The following PPP6R3 variants were observed in gnomAD, a reference collection of about 807,000 sequenced individuals.
The protein encoded by PPP6R3 is serine/threonine-protein phosphatase 6 regulatory subunit 3.
PPP6R3 carries 38 observed loss-of-function variants against 110.7 expected under a neutral mutation model. That is an observed-to-expected ratio of 0.34 (90% CI 0.26 to 0.45). The LOEUF is 0.45. Ranked by LOEUF, PPP6R3 falls within the 20% of genes least tolerant of loss-of-function variation. PPP6R3 has a pLI of 1.00. For synonymous variants in PPP6R3, 369 were observed against 373.5 expected (o/e 0.99, Z 0.14); for missense variants, 870 against 1,062.4 (o/e 0.82, Z 2.52).
intron 15 of PPP6R3, chr11:68,587,679 C>CA (rs1350916991): frequency 9.0e-6 from 5 of 555,064 alleles, no homozygotes; most frequent in Non-Finnish European, 1.6e-5. Context: ...CAATAGAGGA[C>CA]AGAGTGGTCA....
chr11:68,599,906 G>A (rs1001096423), intron 19 of PPP6R3, among the ~76,000 whole-genome samples: 23 of 152,182 alleles, frequency 1.5e-4, no homozygotes, highest in African/African-American at 4.1e-4. Flanking sequence ...GGCGGTTCAC[G>A]AGGTCGGGAT....
chr11:68,505,408 A>G (rs1482492596), intron 1 of PPP6R3: 1 of 152,478 alleles, frequency 6.6e-6, no homozygotes, highest in Non-Finnish European at 1.5e-5. Flanking sequence ...GACCTAGAAG[A>G]TGAGAATTTA....
intron 1 of PPP6R3, among the ~76,000 whole-genome samples, chr11:68,499,974 T>A (rs1020029782): frequency 1.3e-5 from 2 of 152,338 alleles, no homozygotes; most frequent in Middle Eastern, 6.8e-3. Context: ...ATTCTGTGGG[T>A]CCTCATTCTG....
intron 16 of PPP6R3, among the ~76,000 whole-genome samples, chr11:68,590,231 G>T (rs532597708): frequency 1.3e-5 from 2 of 152,312 alleles, no homozygotes; most frequent in Admixed American, 1.3e-4. Flanking sequence ...GATTTCATGG[G>T]TGTCTATGTA....
In PPP6R3 at chr11:68,519,670, G is replaced by T. The variant is rs1477229796; in HGVS notation, c.-7+19G>T. 2.5e-6 allele frequency: 1 copy of T among 398,346 alleles called. No homozygotes were observed. The highest frequency in any genetic ancestry group is 3.6e-5 in the East Asian group (1 of 28,078). The allele number at this position is 398,346 out of a possible 1,614,324, so 24.7% of individuals were successfully genotyped here. A position where few individuals can be genotyped will look rare whatever the true frequency, so the allele number is the denominator to read the frequency against. ...TTGAAAGGTAAGACCATTACGATTA[G>T]CAGGAGTTTCCTTCCATTAATGACA... is the stretch of plus-strand genomic sequence containing the variant. On this transcript the variant is annotated intron_variant, in intron 2 of 23. Coordinates refer to ENST00000393800, the MANE Select transcript of PPP6R3 (RefSeq NM_001164161.2).
At chr11:68,584,675 A>G (rs2099572619) in intron 15 of PPP6R3, among the ~76,000 whole-genome samples, 1 of 152,194 alleles carries the variant, frequency 6.6e-6, no homozygotes, top group Non-Finnish European at 1.5e-5. Context: ...GAGTTTTCTT[A>G]CATTATTTTG....
chr11:68,483,858 C>G (rs1395179000), intron 1 of PPP6R3, among the ~76,000 whole-genome samples: 1 of 152,200 alleles, frequency 6.6e-6, no homozygotes, highest in South Asian at 2.1e-4. Context: ...TTTCACTGCC[C>G]TACAGATCCT....
intron 1 of PPP6R3, among the ~76,000 whole-genome samples, chr11:68,511,170 C>T (rs1351019102): frequency 6.7e-6 from 1 of 149,532 alleles, no homozygotes; most frequent in South Asian, 2.1e-4. Context: ...CGGGTTCAAG[C>T]GAATCTCCTG....
chr11:68,519,630 A>G lies in PPP6R3; in HGVS notation c.-28A>G. ...CACAAAGAAGAAAACATTTCTTTTA[A>G]TTTTTAAACTTGGTTTGAAAGGTAA... is the stretch of plus-strand genomic sequence containing the variant. On this transcript the variant is annotated 5_prime_UTR_variant, in exon 2 of 24. The change abolishes the stop of an existing upstream ORF in the 5' untranslated region. Coordinates refer to ENST00000393800, the MANE Select transcript of PPP6R3 (RefSeq NM_001164161.2). The G allele has an allele frequency of 2.5e-6, 1 of 398,578 alleles. No individual in the cohort carries two copies. The allele number at this position is 398,578 out of a possible 1,614,324, so 24.7% of individuals were successfully genotyped here.
intron 5 of PPP6R3, among the ~76,000 whole-genome samples, chr11:68,550,160 G>A (rs2099365238): frequency 1.3e-5 from 2 of 152,128 alleles, no homozygotes; most frequent in South Asian, 2.1e-4. Flanking sequence ...CAAGATTCTC[G>A]GAGAATTTGT....
At chr11:68,471,142 G>A (rs542777437) in intron 1 of PPP6R3, among the ~76,000 whole-genome samples, 18 of 151,828 alleles carry the variant, frequency 1.2e-4, no homozygotes, top group African/African-American at 2.4e-4. Flanking sequence ...AAAATTAGCC[G>A]GCTTAGTGGT....
intron 5 of PPP6R3, among the ~76,000 whole-genome samples, chr11:68,549,615 T>A (rs567132998): frequency 6.6e-6 from 1 of 152,250 alleles, no homozygotes; most frequent in South Asian, 2.1e-4. Flanking sequence ...AGGTTGAGGA[T>A]TCTGGGGAAG....
chr11:68,549,040 G>A (rs964843281), intron 5 of PPP6R3, among the ~76,000 whole-genome samples: 21 of 152,056 alleles, frequency 1.4e-4, no homozygotes, highest in South Asian at 2.1e-4. Context: ...ATAGGTGTCC[G>A]CCACCACACC....
Position 68,544,925 on chromosome 11 carries a change from A to G in PPP6R3, c.315A>G (p.Lys105=), listed in dbSNP as rs373200696. The G allele has an allele frequency of 1.2e-6, 2 of 1,604,546 alleles. No individual in the cohort carries two copies. The highest frequency in any genetic ancestry group is 1.7e-6 in the Non-Finnish European group (2 of 1,171,352). The change falls in exon 4 of 24, where the codon AAA becomes AAG. Residue 105 remains lysine, a synonymous_variant. Transcript: ENST00000393800. ...RLGEDESLLM[K]LYSFLLNDSP... is the part of the protein sequence containing the mutation. ...GAGAAGATGAATCCTTGCTAATGAAATTATATAGCTTCCTCCTAAACGATT... is the reference window on the plus strand; with the variant it reads ...GAGAAGATGAATCCTTGCTAATGAAGTTATATAGCTTCCTCCTAAACGATT...
At chr11:68,485,716 C>A (rs2098942628) in intron 1 of PPP6R3, among the ~76,000 whole-genome samples, 4 of 152,094 alleles carry the variant, frequency 2.6e-5, no homozygotes, top group Admixed American at 6.5e-5. Context: ...TATTTTGAGA[C>A]AAGAGTCTCA....
chr11:68,558,427 A>G, intron 7 of PPP6R3, 139 bp from the exon 8 acceptor site: 1 of 556,050 alleles, frequency 1.8e-6, no homozygotes, highest in Non-Finnish European at 3.2e-6. Context: ...TTTAATAAGT[A>G]TATAGAAATA....
At chr11:68,461,554 C>G (rs545520320) in intron 1 of PPP6R3, among the ~76,000 whole-genome samples, 36 of 152,108 alleles carry the variant, frequency 2.4e-4, no homozygotes, top group African/African-American at 8.4e-4. Flanking sequence ...GAAGCCCATT[C>G]ACTGTTTACT....
At chr11:68,580,745 T>A (rs1440366109) in intron 14 of PPP6R3, among the ~76,000 whole-genome samples, 3 of 92,842 alleles carry the variant, frequency 3.2e-5, no homozygotes, top group Non-Finnish European at 4.3e-5. Flanking sequence ...GGGTAAATAA[T>A]CTTTTTTTTT....
intron 18 of PPP6R3, among the ~76,000 whole-genome samples, chr11:68,594,320 AAAAG>A (rs1212070291): frequency 2.0e-3 from 224 of 110,136 alleles, no homozygotes; most frequent in African/African-American, 6.2e-3. Flanking sequence ...GAGAGAGAGA[AAAAG>A]AGAGAGAGAG....
Sources: gnomAD v4.1 joint callset for allele counts (sites outside exome capture counted in the v4.1 genomes callset) on GRCh38, gnomAD v4.1.1 for gene constraint, MANE v1.5 for transcripts, NCBI Gene and HGNC (gene_info 2026-07-23, HGNC 2026-07-21) for gene names.